The following RNLS variants were observed in gnomAD, a reference collection of about 807,000 sequenced individuals.
RNLS encodes the protein renalase.
A neutral mutation model predicts 39.8 loss-of-function variants in RNLS; 39 were observed. The observed-to-expected ratio is 0.98, with a 90% confidence interval of 0.76 to 1.28. RNLS has a LOEUF of 1.28. RNLS is among the 50% of genes most tolerant of loss of function. RNLS has a pLI of 0.00. For missense variants in RNLS, 410 were observed against 413.3 expected, an observed-to-expected ratio of 0.99 and a Z score of 0.07; for synonymous variants, 147 against 150.7, an observed-to-expected ratio of 0.98 and a Z score of 0.18.
chr10:88,480,254 T>G (rs1844076733), intron 4 of RNLS, among the ~76,000 whole-genome samples: 1 of 152,258 alleles, frequency 6.6e-6, no homozygotes, highest in African/African-American at 2.4e-5. Flanking sequence ...TACAAGTTCT[T>G]AGACATAGCT....
intron 5 of RNLS, among the ~76,000 whole-genome samples, chr10:88,331,710 C>T (rs1032378593): frequency 1.3e-5 from 2 of 152,086 alleles, no homozygotes; most frequent in African/African-American, 2.4e-5. Context: ...TTTCTCATGG[C>T]GGTGGAGGTT....
At chr10:88,336,719 T>TA (rs796700051) in intron 5 of RNLS, among the ~76,000 whole-genome samples, 35 of 152,316 alleles carry the variant, frequency 2.3e-4, no homozygotes, top group African/African-American at 8.2e-4. Context: ...ACTACCTGAA[T>TA]AATAAACAAA....
intron 4 of RNLS, among the ~76,000 whole-genome samples, chr10:88,377,912 C>A (rs1362311793): frequency 6.6e-6 from 1 of 152,068 alleles, no homozygotes; most frequent in Non-Finnish European, 1.5e-5. Context: ...TTAAAACACA[C>A]ATTGCATAGC....
chr10:88,547,127 C>A (rs2134313497), intron 4 of RNLS, among the ~76,000 whole-genome samples: 1 of 152,294 alleles, frequency 6.6e-6, no homozygotes, highest in Admixed American at 6.5e-5. Context: ...AAGGAGATAT[C>A]AACACCTTGC....
chr10:88,436,062 G>C (rs1484348451), intron 4 of RNLS, among the ~76,000 whole-genome samples: 1 of 152,086 alleles, frequency 6.6e-6, no homozygotes, highest in Non-Finnish European at 1.5e-5. Context: ...TCCTGGGGCA[G>C]AATGATGACA....
At chr10:88,201,557 A>G in the RNLS span, among the ~76,000 whole-genome samples, 1 of 152,154 alleles carries the variant, frequency 6.6e-6, no homozygotes, top group African/African-American at 2.4e-5. Context: ...GAAGAATCAG[A>G]TAGGTGAGCA....
At chr10:88,382,299 C>T (rs1648523) in intron 4 of RNLS, among the ~76,000 whole-genome samples, 136,249 of 152,156 alleles carry the variant, frequency 0.9, 61,138 homozygotes, top group Non-Finnish European at 0.92. Context: ...AGCATTGTGT[C>T]TATTGTGCAT....
intron 5 of RNLS, among the ~76,000 whole-genome samples, chr10:88,332,783 A>T (rs1188257168): frequency 1.3e-5 from 2 of 152,222 alleles, no homozygotes; most frequent in Non-Finnish European, 2.9e-5. Flanking sequence ...CAGGAAATAT[A>T]ATTCAAGTAA....
intron 4 of RNLS, among the ~76,000 whole-genome samples, chr10:88,375,220 G>A (rs1010609879): frequency 6.6e-6 from 1 of 151,876 alleles, no homozygotes; most frequent in Admixed American, 6.6e-5. Flanking sequence ...TAGCTTCAAA[G>A]AGAACAAAAA....
chr10:88,457,338 C>A (rs552887172), intron 4 of RNLS, among the ~76,000 whole-genome samples: 1 of 152,310 alleles, frequency 6.6e-6, no homozygotes, highest in African/African-American at 2.4e-5. Context: ...TAAAGTATAA[C>A]AAGGTCACAG....
chr10:88,326,052 A>T (rs1352234771), intron 5 of RNLS, among the ~76,000 whole-genome samples: 1 of 152,174 alleles, frequency 6.6e-6, no homozygotes. Flanking sequence ...GCAAAACTGT[A>T]AGTCAATTAA....
intron 4 of RNLS, among the ~76,000 whole-genome samples, chr10:88,525,010 CAT>C (rs1340771332): frequency 1.5e-5 from 2 of 130,942 alleles, no homozygotes; most frequent in East Asian, 2.5e-4. Flanking sequence ...CACACACACA[CAT>C]ACTATGTACC....
At chr10:88,395,278 C>T (rs184120759) in intron 4 of RNLS, among the ~76,000 whole-genome samples, 1 of 145,904 alleles carries the variant, frequency 6.9e-6, no homozygotes, top group African/African-American at 2.5e-5. Context: ...AGACATTGTA[C>T]TTACTAGACA....
intron 4 of RNLS, among the ~76,000 whole-genome samples, chr10:88,389,111 C>G (rs1330914827): frequency 6.6e-6 from 1 of 152,064 alleles, no homozygotes; most frequent in Non-Finnish European, 1.5e-5. Flanking sequence ...TGTGTTGGGA[C>G]TTGAGGGATG....
the RNLS span, among the ~76,000 whole-genome samples, chr10:88,193,014 G>C: frequency 6.6e-6 from 1 of 152,184 alleles, no homozygotes; most frequent in Non-Finnish European, 1.5e-5. Flanking sequence ...TCGAAGTATA[G>C]TGCTGGCTTT....
the RNLS span, among the ~76,000 whole-genome samples, chr10:88,248,944 C>T: frequency 2.0e-5 from 3 of 152,280 alleles, no homozygotes; most frequent in East Asian, 5.8e-4. Flanking sequence ...GGAATGATAT[C>T]TCTCCTTATC....
chr10:88,269,762 T>G (rs1842599228), downstream of RNLS, among the ~76,000 whole-genome samples: 1 of 152,220 alleles, frequency 6.6e-6, no homozygotes, highest in South Asian at 2.1e-4. Context: ...CTGCTCTTCT[T>G]TGGACTTGAT....
At chr10:88,572,791 C>A in intron 4 of RNLS, 112 bp downstream of exon 4, 1 of 1,093,064 alleles carries the variant, frequency 9.1e-7, no homozygotes, top group Non-Finnish European at 1.3e-6. Flanking sequence ...TTAAGACAGG[C>A]AAATCAATAG....
At position 88,583,090 on chromosome 10, in the gene RNLS, T is replaced by TCCCA; in HGVS notation, c.97_100dup (p.Asp34ValfsTer5). The TCCCA allele has an allele frequency of 5.0e-6, 8 of 1,613,900 alleles. No homozygotes were observed. The highest frequency in any genetic ancestry group is 6.8e-6 in the Non-Finnish European group (8 of 1,179,884). On this transcript the variant is annotated frameshift_variant, in exon 1 of 7. Coordinates refer to ENST00000331772, the MANE Select transcript of RNLS (RefSeq NM_001031709.3). LOFTEE classifies it high-confidence loss of function. Reference sequence around the variant, plus strand: ...CAACCCACCTGAGTCCTCAGCCTTGTCCCACACAGCAAGGTACAAGGGACC... The same window carrying TCCCA: ...CAACCCACCTGAGTCCTCAGCCTTGTCCCACCCACACAGCAAGGTACAAGGGACC...
Sources: gnomAD v4.1 joint callset for allele counts (sites outside exome capture counted in the v4.1 genomes callset) on GRCh38, gnomAD v4.1.1 for gene constraint, MANE v1.5 for transcripts, NCBI Gene and HGNC (gene_info 2026-07-23, HGNC 2026-07-21) for gene names.